Variants in GRID2 observed in about 807,000 individuals in gnomAD.
GRID2 encodes the protein glutamate receptor ionotropic, delta-2.
Under a neutral mutation model 114.8 loss-of-function variants are expected in GRID2, and 33 were observed. The ratio of observed to expected loss-of-function variants is 0.29; its 90% CI spans 0.22 to 0.38. The LOEUF (loss-of-function observed/expected upper bound fraction) is 0.38. Among genes scored for constraint, GRID2 ranks in the 10% least tolerant of loss-of-function variants. The pLI is 1.00. For synonymous variants in GRID2, 505 were observed against 449.9 expected (o/e 1.12, Z -1.55); for missense variants, 1,184 against 1,257.7 (o/e 0.94, Z 0.89).
At chr4:93,162,016 A>T (rs910265609) in intron 4 of GRID2, among the ~76,000 whole-genome samples, 1 of 151,792 alleles carries the variant, frequency 6.6e-6, no homozygotes, top group African/African-American at 2.4e-5. Context: ...TCTCCCTAAC[A>T]TTTCCAGAAA....
intron 13 of GRID2, among the ~76,000 whole-genome samples, chr4:93,606,241 TG>T (rs563073164): frequency 1.5e-4 from 23 of 151,980 alleles, no homozygotes; most frequent in African/African-American, 5.3e-4. Context: ...CACTCCAACC[TG>T]GGCGACAAAG....
rs952752957 is a variant in GRID2 at position 92,526,991 on chromosome 4, A to G, written c.89-63140A>G. Among the ~76,000 whole-genome samples the G allele has an allele frequency of 2.6e-5, 4 of 152,000 alleles. No homozygotes were observed. In the South Asian group the frequency reaches 6.2e-4, roughly 24 times the overall value. Reference sequence around the variant, plus strand: ...AATGTTTTTATCTTTAGAGATCTCTATTTTTAAATTGGCATTGTTTTGGTT... The same window carrying G: ...AATGTTTTTATCTTTAGAGATCTCTGTTTTTAAATTGGCATTGTTTTGGTT... On this transcript the variant is annotated intron_variant, in intron 1 of 15. Transcript: ENST00000282020.
At chr4:93,176,844 G>T (rs1560954719) in intron 4 of GRID2, among the ~76,000 whole-genome samples, 1 of 152,142 alleles carries the variant, frequency 6.6e-6, no homozygotes, top group Non-Finnish European at 1.5e-5. Context: ...TATCTCATGT[G>T]TGTGTGAATA....
At chr4:92,979,063 C>T (rs1754037087) in intron 2 of GRID2, among the ~76,000 whole-genome samples, 2 of 151,834 alleles carry the variant, frequency 1.3e-5, no homozygotes, top group African/African-American at 4.8e-5. Context: ...AAATTATACT[C>T]GTGCTGTCCG....
chr4:93,359,851 G>A lies in GRID2; in HGVS notation c.1246-35756G>A, dbSNP rs1487562706. 1.2e-4 allele frequency among the ~76,000 whole-genome samples: 13 copies of A among 107,642 alleles called. No homozygotes were observed. In the Admixed American group the frequency reaches 1.3e-3, roughly 11 times the overall value. 70.6% of individuals were successfully genotyped at this position (107,642 alleles called of 152,430 possible). A position where few individuals can be genotyped will look rare whatever the true frequency, so the allele number is the denominator to read the frequency against. On this transcript the variant is annotated intron_variant, in intron 8 of 15. Coordinates refer to ENST00000282020, the MANE Select transcript of GRID2 (RefSeq NM_001510.4). Reference sequence around the variant, plus strand: ...GGAAGGCAGTAGGCATTACAAAAGGGCATAGATAAGGAAGGTGTAAAAAAA... The same window carrying A: ...GGAAGGCAGTAGGCATTACAAAAGGACATAGATAAGGAAGGTGTAAAAAAA...
At chr4:92,972,997 C>T (rs1055921097) in intron 2 of GRID2, among the ~76,000 whole-genome samples, 4 of 151,976 alleles carry the variant, frequency 2.6e-5, no homozygotes, top group Non-Finnish European at 5.9e-5. Context: ...TTTTTTTAAT[C>T]CAGTCTATCG....
intron 9 of GRID2, among the ~76,000 whole-genome samples, chr4:93,410,529 T>C (rs1241018268): frequency 6.6e-6 from 1 of 152,208 alleles, no homozygotes; most frequent in Non-Finnish European, 1.5e-5. Flanking sequence ...CCAGAAGCCC[T>C]GTCCTCTCTT....
At position 93,085,266 on chromosome 4, in the gene GRID2, T is replaced by C; in HGVS notation, c.516T>C (p.Tyr172=). The C allele has an allele frequency of 1.2e-6, 2 of 1,610,386 alleles. No homozygotes were observed. The highest frequency in any genetic ancestry group is 1.1e-5 in the South Asian group (1 of 90,994). Residue 172 remains tyrosine, a synonymous_variant, in exon 3 of 16, where the codon TAT becomes TAC. Coordinates refer to ENST00000282020, the MANE Select transcript of GRID2 (RefSeq NM_001510.4). ...EYAWQKFIIF[Y]DSEYDIRGIQ... is the part of the protein sequence containing the mutation. ...CCTGGCAGAAATTCATTATATTCTATGATAGTGAATACGGTAAGTGTTTAT... is the reference window on the plus strand; with the variant it reads ...CCTGGCAGAAATTCATTATATTCTACGATAGTGAATACGGTAAGTGTTTAT...
intron 13 of GRID2, among the ~76,000 whole-genome samples, chr4:93,592,628 C>T (rs532950903): frequency 6.6e-6 from 1 of 152,158 alleles, no homozygotes. Flanking sequence ...CTTTCTGTCT[C>T]GTTGATCTGT....
At chr4:92,665,090 A>G (rs1024226097) in intron 2 of GRID2, among the ~76,000 whole-genome samples, 2 of 150,426 alleles carry the variant, frequency 1.3e-5, no homozygotes, top group African/African-American at 4.9e-5. Context: ...CAAGCATTAT[A>G]AATTTTTTGT....
At chr4:92,996,230 C>T (rs183032108) in intron 2 of GRID2, among the ~76,000 whole-genome samples, 13 of 151,556 alleles carry the variant, frequency 8.6e-5, no homozygotes, top group African/African-American at 2.9e-4. Flanking sequence ...GCAGAGGTTG[C>T]AGTGAGCCAA....
At chr4:92,720,965 G>A (rs1234727465) in intron 2 of GRID2, among the ~76,000 whole-genome samples, 1 of 152,042 alleles carries the variant, frequency 6.6e-6, no homozygotes, top group Non-Finnish European at 1.5e-5. Flanking sequence ...GAATATTCTT[G>A]AGCCTTAAGA....
At chr4:93,794,042 T>G (rs751789947) in intron 1 of GRID2, among the ~76,000 whole-genome samples, 1 of 151,960 alleles carries the variant, frequency 6.6e-6, no homozygotes, top group Non-Finnish European at 1.5e-5. Context: ...AAAAAGAATA[T>G]GATTTACCTG....
chr4:93,067,217 A>C (rs1404106316), intron 2 of GRID2, among the ~76,000 whole-genome samples: 1 of 152,074 alleles, frequency 6.6e-6, no homozygotes, highest in African/African-American at 2.4e-5. Context: ...TAGAGGTAGT[A>C]CATGTTTTTT....
chr4:92,886,981 A>G (rs182167410), intron 2 of GRID2, among the ~76,000 whole-genome samples: 2 of 152,232 alleles, frequency 1.3e-5, no homozygotes, highest in East Asian at 3.9e-4. Context: ...CACTAATCTA[A>G]ATATTATTGC....
intron 2 of GRID2, among the ~76,000 whole-genome samples, chr4:92,937,488 C>A (rs982420800): frequency 6.1e-5 from 9 of 146,422 alleles, no homozygotes; most frequent in African/African-American, 9.7e-5. Context: ...TGTCAACAAC[C>A]AGTTGACCAT....
At chr4:93,465,549 T>C (rs552230870) in intron 11 of GRID2, among the ~76,000 whole-genome samples, 1 of 152,324 alleles carries the variant, frequency 6.6e-6, no homozygotes, top group Non-Finnish European at 1.5e-5. Context: ...CTTCATCAGG[T>C]GTTTGAGAAA....
At chr4:92,871,414 T>G (rs559543236) in intron 2 of GRID2, among the ~76,000 whole-genome samples, 1 of 152,274 alleles carries the variant, frequency 6.6e-6, no homozygotes, top group East Asian at 1.9e-4. Context: ...AAATTATAAC[T>G]TAACCTAGAA....
chr4:92,890,429 A>G (rs778696427), intron 2 of GRID2, among the ~76,000 whole-genome samples: 6 of 152,124 alleles, frequency 3.9e-5, no homozygotes, highest in East Asian at 1.9e-4. Context: ...AGAAAAAACA[A>G]CCCCATTGAA....
Sources: gnomAD v4.1 joint callset for allele counts (sites outside exome capture counted in the v4.1 genomes callset) on GRCh38, gnomAD v4.1.1 for gene constraint, MANE v1.5 for transcripts, NCBI Gene and HGNC (gene_info 2026-07-23, HGNC 2026-07-21) for gene names.